SPIDR: variants seen among roughly 807,000 people sequenced by gnomAD.
SPIDR encodes DNA repair-scaffolding protein.
A neutral mutation model predicts 104.6 loss-of-function variants in SPIDR; 93 were observed. The ratio of observed to expected loss-of-function variants is 0.89; its 90% confidence interval spans 0.75 to 1.06. The LOEUF is 1.06. Ranked by LOEUF, SPIDR falls within the 50% of genes least tolerant of loss-of-function variation. The pLI, the probability that SPIDR is intolerant of heterozygous loss-of-function variation, is 0.00. For missense variants in SPIDR, 1,154 were observed against 1,111.2 expected (o/e 1.04, Z -0.55); for synonymous variants, 431 against 416.9 (o/e 1.03, Z -0.41).
intron 8 of SPIDR, among the ~76,000 whole-genome samples, chr8:47,449,861 A>C (rs1395139730): frequency 2.6e-5 from 4 of 152,220 alleles, no homozygotes; most frequent in Admixed American, 6.5e-5. Flanking sequence ...CTGAGACTGC[A>C]TAATTTATAA....
intron 8 of SPIDR, among the ~76,000 whole-genome samples, chr8:47,501,855 G>A (rs1486809318): frequency 6.6e-6 from 1 of 152,064 alleles, no homozygotes; most frequent in Non-Finnish European, 1.5e-5. Context: ...TAGCATGAAG[G>A]GTTGTTGAAT....
At chr8:47,386,353 A>T (rs1240891612) in intron 5 of SPIDR, among the ~76,000 whole-genome samples, 1 of 152,202 alleles carries the variant, frequency 6.6e-6, no homozygotes, top group Non-Finnish European at 1.5e-5. Context: ...GAAATTCTTT[A>T]AATTTAATGG....
intron 5 of SPIDR, among the ~76,000 whole-genome samples, chr8:47,378,571 CTG>C (rs1329277868): frequency 7.9e-5 from 12 of 152,294 alleles, no homozygotes; most frequent in African/African-American, 2.9e-4. Context: ...GTATAAGATA[CTG>C]TGTGGATAGT....
At chr8:47,299,136 G>C (rs2041516580) in intron 5 of SPIDR, among the ~76,000 whole-genome samples, 1 of 152,178 alleles carries the variant, frequency 6.6e-6, no homozygotes, top group South Asian at 2.1e-4. Context: ...TCATTGAGCA[G>C]TGGTTTGTAG....
intron 10 of SPIDR, among the ~76,000 whole-genome samples, chr8:47,654,820 C>T (rs2072416702): frequency 6.6e-6 from 1 of 152,076 alleles, no homozygotes; most frequent in Admixed American, 6.6e-5. Context: ...TGGTGTGCTG[C>T]ACCCAGTAAC....
chr8:47,425,395 C>G (rs2066257075), intron 7 of SPIDR, among the ~76,000 whole-genome samples: 1 of 152,028 alleles, frequency 6.6e-6, no homozygotes, highest in Non-Finnish European at 1.5e-5. Context: ...AGATGGATGA[C>G]AAGCAGAGAG....
intron 10 of SPIDR, among the ~76,000 whole-genome samples, chr8:47,671,711 GA>G (rs2075825222): frequency 6.6e-6 from 1 of 152,148 alleles, no homozygotes. Context: ...TCAGAATTCT[GA>G]AAATATTCCA....
intron 11 of SPIDR, among the ~76,000 whole-genome samples, chr8:47,675,391 A>T (rs1287732307): frequency 1.3e-5 from 2 of 152,234 alleles, no homozygotes; most frequent in African/African-American, 4.8e-5. Flanking sequence ...GCTATATTAT[A>T]ATTTAATTGC....
intron 5 of SPIDR, among the ~76,000 whole-genome samples, chr8:47,336,876 C>T (rs183056707): frequency 2.0e-5 from 3 of 152,136 alleles, no homozygotes; most frequent in Admixed American, 1.3e-4. Context: ...CTGCACTGTT[C>T]TGCATTCCCA....
chr8:47,385,030 G>A (rs1423529926), intron 5 of SPIDR, among the ~76,000 whole-genome samples: 2 of 151,560 alleles, frequency 1.3e-5, no homozygotes, highest in African/African-American at 4.8e-5. Flanking sequence ...GGATCCTCTA[G>A]GTCCTTTTAT....
intron 8 of SPIDR, among the ~76,000 whole-genome samples, chr8:47,443,584 A>C (rs1443434486): frequency 6.6e-6 from 1 of 151,166 alleles, no homozygotes; most frequent in Non-Finnish European, 1.5e-5. Context: ...AAAAAAAAAA[A>C]AAAAAAACAC....
intron 7 of SPIDR, among the ~76,000 whole-genome samples, chr8:47,422,052 G>A (rs2065580375): frequency 6.6e-6 from 1 of 152,220 alleles, no homozygotes; most frequent in Non-Finnish European, 1.5e-5. Context: ...GCTACTCGGA[G>A]GTCAGGGCCC....
At chr8:47,629,043 AAGG>A (rs1187094826) in intron 10 of SPIDR, among the ~76,000 whole-genome samples, 1 of 152,250 alleles carries the variant, frequency 6.6e-6, no homozygotes, top group Admixed American at 6.5e-5. Context: ...TTCTCCCTTT[AAGG>A]GTCACAGCAG....
chr8:47,568,748 A>G (rs1379088089), intron 8 of SPIDR, among the ~76,000 whole-genome samples: 1 of 152,210 alleles, frequency 6.6e-6, no homozygotes, highest in Non-Finnish European at 1.5e-5. Context: ...ATCCCCGCCA[A>G]AAGGAAAGAA....
intron 8 of SPIDR, among the ~76,000 whole-genome samples, chr8:47,460,018 T>C (rs1554712448): frequency 6.6e-6 from 1 of 152,222 alleles, no homozygotes. Flanking sequence ...ATAATTTCAG[T>C]TTTCTTAAAT....
At chr8:47,656,469 G>A (rs1057015710) in intron 10 of SPIDR, among the ~76,000 whole-genome samples, 6 of 152,268 alleles carry the variant, frequency 3.9e-5, no homozygotes, top group African/African-American at 1.4e-4. Flanking sequence ...CCACTTCACA[G>A]TCACTAGGAT....
chr8:47,571,770 TAAC>T (rs770495390), intron 8 of SPIDR, among the ~76,000 whole-genome samples: 2 of 152,126 alleles, frequency 1.3e-5, no homozygotes, highest in Non-Finnish European at 2.9e-5. Flanking sequence ...AAGTAAAGAT[TAAC>T]AACAACAATA....
chr8:47,716,190 C>A (rs975673379), intron 16 of SPIDR, among the ~76,000 whole-genome samples: 1 of 152,086 alleles, frequency 6.6e-6, no homozygotes, highest in Non-Finnish European at 1.5e-5. Flanking sequence ...GAACTCCTGA[C>A]CTCAGGTGAT....
At chr8:47,501,683 G>A (rs190570350) in intron 8 of SPIDR, among the ~76,000 whole-genome samples, 2,746 of 152,230 alleles carry the variant, frequency 0.018, 83 homozygotes, top group African/African-American at 0.064. Context: ...ACACCATGTT[G>A]AATAGGAGTG....
Sources: gnomAD v4.1 joint callset for allele counts (sites outside exome capture counted in the v4.1 genomes callset) on GRCh38, gnomAD v4.1.1 for gene constraint, MANE v1.5 for transcripts, NCBI Gene and HGNC (gene_info 2026-07-23, HGNC 2026-07-21) for gene names.